The following IL6R variants were observed in gnomAD, a reference collection of about 807,000 sequenced individuals.
IL6R encodes interleukin 6 receptor, also known as interleukin-6 receptor subunit alpha.
IL6R carries 38 observed loss-of-function variants against 48.3 expected under a neutral mutation model. The ratio of observed to expected loss-of-function variants is 0.79; its 90% confidence interval spans 0.61 to 1.03. The LOEUF (loss-of-function observed/expected upper bound fraction) is 1.03. Among genes scored for constraint, IL6R ranks in the 50% least tolerant of loss-of-function variants. The pLI is 0.00. For missense variants in IL6R, 534 were observed against 618.3 expected (o/e 0.86, Z 1.45); for synonymous variants, 264 against 256.2 (o/e 1.03, Z -0.29).
chr1:154,449,522 A>G (rs927861460), intron 7 of IL6R, among the ~76,000 whole-genome samples: 5 of 152,122 alleles, frequency 3.3e-5, no homozygotes, highest in Non-Finnish European at 7.4e-5. Context: ...TCACAAAAAA[A>G]CAAACAAAAA....
chr1:154,437,837 C>T (rs1689721802), intron 6 of IL6R, among the ~76,000 whole-genome samples: 1 of 151,924 alleles, frequency 6.6e-6, no homozygotes, highest in South Asian at 2.1e-4. Flanking sequence ...CCTCAGCCTC[C>T]TGAGTAGCTG....
intron 9 of IL6R, among the ~76,000 whole-genome samples, chr1:154,456,029 C>A (rs6694258): frequency 0.6 from 90,853 of 151,286 alleles, 27,892 homozygotes; most frequent in African/African-American, 0.7. Context: ...TGCAATCCAG[C>A]CTGGGTGACA....
chr1:154,434,246 GGTT>G (rs1489383948), intron 3 of IL6R, among the ~76,000 whole-genome samples: 2 of 152,054 alleles, frequency 1.3e-5, no homozygotes, highest in African/African-American at 2.4e-5. Context: ...GGGAGGCGGA[GGTT>G]GCAGTGAGCC....
At chr1:154,417,432 T>G (rs923812717) in intron 1 of IL6R, among the ~76,000 whole-genome samples, 3 of 152,172 alleles carry the variant, frequency 2.0e-5, no homozygotes, top group Non-Finnish European at 4.4e-5. Context: ...CACTGTCCCT[T>G]TCAGGACCAA....
At chr1:154,413,489 C>A (rs1688157250) in intron 1 of IL6R, among the ~76,000 whole-genome samples, 1 of 152,222 alleles carries the variant, frequency 6.6e-6, no homozygotes, top group East Asian at 1.9e-4. Context: ...GAAGTTGCAC[C>A]AATTTATACT....
chr1:154,406,848 T>C (rs1687751765), intron 1 of IL6R, among the ~76,000 whole-genome samples: 1 of 152,226 alleles, frequency 6.6e-6, no homozygotes, highest in Non-Finnish European at 1.5e-5. Context: ...TACACATTTA[T>C]AACTCCTGCC....
intron 6 of IL6R, among the ~76,000 whole-genome samples, chr1:154,447,863 T>C (rs541313119): frequency 6.6e-6 from 1 of 152,082 alleles, no homozygotes; most frequent in African/African-American, 2.4e-5. Context: ...TACAGGCATG[T>C]GCCAGCACAC....
intron 8 of IL6R, among the ~76,000 whole-genome samples, chr1:154,453,297 C>T (rs1280578768): frequency 6.6e-6 from 1 of 152,250 alleles, no homozygotes; most frequent in Non-Finnish European, 1.5e-5. Flanking sequence ...CTGCATCTCT[C>T]AAGAGACATG....
At chr1:154,426,520 CA>C (rs5777913) in intron 1 of IL6R, among the ~76,000 whole-genome samples, 71,978 of 121,522 alleles carry the variant, frequency 0.59, 18,397 homozygotes, top group Admixed American at 0.66. Context: ...GATTCTGTCT[CA>C]AAAAAAAAAA....
chr1:154,438,014 T>C (rs61812593), intron 6 of IL6R, among the ~76,000 whole-genome samples: 28,160 of 151,890 alleles, frequency 0.19, 2,779 homozygotes, highest in African/African-American at 0.26. Flanking sequence ...GCGCCTGGCC[T>C]AAACTTTTAA....
At position 154,429,408 on chromosome 1, in the gene IL6R, G is replaced by A. The variant is rs145156061; in HGVS notation, c.298G>A (p.Gly100Ser). Residue 100 changes from glycine to serine, a missense_variant, in exon 2 of 10, where the codon GGC becomes AGC. Gly to Ser is a moderately conservative substitution (Grantham distance 56). Coordinates refer to ENST00000368485, the MANE Select transcript of IL6R (RefSeq NM_000565.4). ...DSGNYSCYRA[G>S]RPAGTVHLLV... ...TGGAAACTATTCATGCTACCGGGCC[G>A]GCCGCCCAGCTGGGACTGTGCACTT... The A allele has an allele frequency of 1.2e-5, 20 of 1,613,636 alleles. No homozygotes were observed. Among genetic ancestry groups the A allele is most frequent in the Middle Eastern group, 1.6e-4 (1 of 6,082 alleles).
chr1:154,452,510 G>A (rs1038573998), intron 8 of IL6R, among the ~76,000 whole-genome samples: 5 of 152,092 alleles, frequency 3.3e-5, no homozygotes, highest in African/African-American at 1.2e-4. Context: ...ACCCTTCTCC[G>A]GGAGGCTTTT....
intron 1 of IL6R, among the ~76,000 whole-genome samples, chr1:154,412,334 A>G (rs1031875312): frequency 1.3e-4 from 20 of 150,674 alleles, no homozygotes; most frequent in South Asian, 1.0e-3. Context: ...GCTCACTGCA[A>G]CCTCTGCCTC....
chr1:154,412,033 C>A (rs868412047), intron 1 of IL6R, among the ~76,000 whole-genome samples: 1 of 146,678 alleles, frequency 6.8e-6, no homozygotes, highest in East Asian at 2.0e-4. Context: ...CTGCAACATC[C>A]GCCTCCCAGG....
intron 1 of IL6R, among the ~76,000 whole-genome samples, chr1:154,420,670 G>A (rs1688610976): frequency 1.3e-5 from 2 of 151,526 alleles, no homozygotes; most frequent in African/African-American, 2.4e-5. Flanking sequence ...TGAGTAGCTG[G>A]GATTACAGGC....
At chr1:154,434,931 A>G (rs986521236) in intron 4 of IL6R, 59 bp from the exon 5 acceptor site, 9 of 1,573,950 alleles carry the variant, frequency 5.7e-6, no homozygotes, top group African/African-American at 5.4e-5. Flanking sequence ...CTCAGCCTAC[A>G]TGGGCTTCTC....
At chr1:154,414,491 A>C in intron 1 of IL6R, 1 of 878,746 alleles carries the variant, frequency 1.1e-6, no homozygotes, top group Non-Finnish European at 1.9e-6. Flanking sequence ...GGGGCCCGGG[A>C]CCCACCCTCA....
chr1:154,428,753 C>G (rs542682927), intron 1 of IL6R, among the ~76,000 whole-genome samples: 1 of 152,024 alleles, frequency 6.6e-6, no homozygotes, highest in Non-Finnish European at 1.5e-5. Flanking sequence ...ATGTTTAGGC[C>G]GAGACCTGGA....
At position 154,468,385 on chromosome 1, in the gene IL6R, C is replaced by T. The variant is rs922549302; in HGVS notation, c.*3005C>T. 1.8e-4 allele frequency: 27 copies of T among 152,208 alleles called. No homozygotes were observed. The highest frequency in any genetic ancestry group is 5.3e-4 in the African/African-American group (22 of 41,440). 9.4% of individuals were successfully genotyped at this position (152,208 alleles called of 1,614,324 possible). On this transcript the variant is annotated 3_prime_UTR_variant, in exon 10 of 10. Coordinates refer to ENST00000368485, the MANE Select transcript of IL6R (RefSeq NM_000565.4). ...AGACAGAGACCATTTAGGTTAAATA[C>T]GACAGCTTATCCTGCTGGGTGGGGA...
Sources: allele counts gnomAD v4.1 joint callset (sites outside exome capture counted in the v4.1 genomes callset), GRCh38; gene constraint gnomAD v4.1.1; transcripts MANE v1.5; gene names NCBI Gene and HGNC (gene_info 2026-07-23, HGNC 2026-07-21).